Variants in EPB41L4A observed in about 807,000 individuals in gnomAD.
EPB41L4A encodes erythrocyte membrane protein band 4.1 like 4A, also known as band 4.1-like protein 4A.
In EPB41L4A, 100 loss-of-function variants were observed where a neutral mutation model predicts 108.6. The ratio of observed to expected loss-of-function variants is 0.92; its 90% CI spans 0.78 to 1.09. The LOEUF (loss-of-function observed/expected upper bound fraction) is 1.09, where lower values mean the gene tolerates loss of function less well. EPB41L4A is among the 50% of genes least tolerant of loss of function. The probability of loss-of-function intolerance (pLI) is 0.00; values close to 1 mark genes in which losing one functional copy is unlikely to be tolerated. For missense variants in EPB41L4A, 1,030 were observed against 842.7 expected, an observed-to-expected ratio of 1.22 and a Z score of -2.75; for synonymous variants, 319 against 289.0, an observed-to-expected ratio of 1.10 and a Z score of -1.05.
intron 13 of EPB41L4A, among the ~76,000 whole-genome samples, chr5:112,206,652 G>A (rs575266703): frequency 1.3e-5 from 2 of 152,200 alleles, no homozygotes; most frequent in African/African-American, 2.4e-5. Context: ...AAGGGAGACT[G>A]GAAAAGAAAT....
Position 112,265,000 on chromosome 5 carries a change from A to G in EPB41L4A, c.450T>C (p.Tyr150=). The change falls in exon 6 of 23, where the codon TAT becomes TAC. Residue 150 remains tyrosine, a synonymous_variant. Coordinates refer to ENST00000261486, the MANE Select transcript of EPB41L4A (RefSeq NM_022140.5). ...ATCCTGCAGTATGTTTATATGGGTC[A>G]TAATCTCCAAGCTCCGCTAAAAAAG... ...AYAIQSELGD[Y]DPYKHTAGYV... 1 of 1,592,702 alleles carries G rather than the reference A, an allele frequency of 6.3e-7. No individual in the cohort carries two copies. Among genetic ancestry groups the G allele is most frequent in the South Asian group, 1.2e-5 (1 of 85,462 alleles).
chr5:112,375,724 A>G (rs1040946031), intron 1 of EPB41L4A, among the ~76,000 whole-genome samples: 3 of 151,944 alleles, frequency 2.0e-5, no homozygotes, highest in African/African-American at 2.4e-5. Context: ...AAGGTTGGGA[A>G]GTTTGTTTTG....
intron 18 of EPB41L4A, among the ~76,000 whole-genome samples, chr5:112,172,920 G>C (rs542105235): frequency 1.1e-4 from 17 of 152,260 alleles, no homozygotes; most frequent in African/African-American, 3.9e-4. Context: ...TGTGCTGCAG[G>C]AGGCTGTCCT....
intron 1 of EPB41L4A, among the ~76,000 whole-genome samples, chr5:112,364,226 A>G (rs1195983642): frequency 2.0e-5 from 3 of 152,114 alleles, no homozygotes; most frequent in African/African-American, 7.2e-5. Flanking sequence ...GGATTTCACC[A>G]TGTTGGCCAG....
intron 1 of EPB41L4A, among the ~76,000 whole-genome samples, chr5:112,312,947 T>C (rs961347091): frequency 1.3e-5 from 2 of 152,172 alleles, no homozygotes; most frequent in Admixed American, 6.5e-5. Flanking sequence ...GCAATTAAAG[T>C]ATATTTGTCC....
chr5:112,144,875 T>C (rs1759192100), intron 13 of EPB41L4A, among the ~76,000 whole-genome samples: 1 of 152,162 alleles, frequency 6.6e-6, no homozygotes, highest in Non-Finnish European at 1.5e-5. Flanking sequence ...GCACCTAGAA[T>C]TGAAAAGAGG....
At position 112,306,485 on chromosome 5, in the gene EPB41L4A, A is replaced by G. The variant is rs79400738; in HGVS notation, c.204+901T>C. Among the ~76,000 whole-genome samples, 1,228 of 152,280 alleles carry G rather than the reference A, an allele frequency of 8.1e-3. 20 individuals are homozygous for G. Among genetic ancestry groups the G allele is most frequent in the African/African-American group, 0.028 (1,152 of 41,574 alleles). On this transcript the variant is annotated intron_variant, in intron 2 of 22. Coordinates refer to ENST00000261486, the MANE Select transcript of EPB41L4A (RefSeq NM_022140.5). ...CACAAGTGATCACCATCAATAGTGGAAACACCACTCAGAAAATCATGTTCT... is the reference window on the plus strand; with the variant it reads ...CACAAGTGATCACCATCAATAGTGGGAACACCACTCAGAAAATCATGTTCT...
chr5:112,288,188 T>G (rs956181908), intron 2 of EPB41L4A, among the ~76,000 whole-genome samples: 5 of 152,124 alleles, frequency 3.3e-5, no homozygotes, highest in African/African-American at 1.2e-4. Context: ...CCTCTAATAA[T>G]CTTAACGGCA....
Position 112,360,869 on chromosome 5 carries a change from G to A in EPB41L4A, c.100-53379C>T, listed in dbSNP as rs1454027123. 9.2e-5 allele frequency among the ~76,000 whole-genome samples: 14 copies of A among 151,880 alleles called. 1 individual carries two copies. The highest frequency in any genetic ancestry group is 7.2e-4 in the Admixed American group (11 of 15,254). On this transcript the variant is annotated intron_variant, in intron 1 of 22. Coordinates refer to ENST00000261486, the MANE Select transcript of EPB41L4A (RefSeq NM_022140.5). ...CCACTCCGTCTGGGATGTGAGGAGCGCCTCTGCCCTGCCTCGACCCAGTCT... is the reference window on the plus strand; with the variant it reads ...CCACTCCGTCTGGGATGTGAGGAGCACCTCTGCCCTGCCTCGACCCAGTCT...
At chr5:112,269,966 G>C (rs751734265) in intron 4 of EPB41L4A, among the ~76,000 whole-genome samples, 1 of 152,136 alleles carries the variant, frequency 6.6e-6, no homozygotes, top group East Asian at 1.9e-4. Flanking sequence ...AGCACAACAC[G>C]AGAGACGGGC....
chr5:112,375,313 T>TCTCTCTTTCG, intron 1 of EPB41L4A, among the ~76,000 whole-genome samples: 1 of 148,492 alleles, frequency 6.7e-6, no homozygotes, highest in African/African-American at 2.6e-5. Context: ...GGTCAGTCTC[T>TCTCTCTTTCG]CTCTCTCTCG....
At chr5:112,262,045 C>G (rs1389492029) in intron 7 of EPB41L4A, among the ~76,000 whole-genome samples, 1 of 152,056 alleles carries the variant, frequency 6.6e-6, no homozygotes, top group Admixed American at 6.5e-5. Context: ...GCGCCCGCCA[C>G]CACGTCCAGC....
chr5:112,249,321 G>A (rs1343762890), intron 9 of EPB41L4A: 1 of 152,186 alleles, frequency 6.6e-6, no homozygotes, highest in Non-Finnish European at 1.5e-5. Context: ...AACAAAAATA[G>A]TCAGACGGCT....
At chr5:112,286,912 C>T (rs955737105) in intron 2 of EPB41L4A, among the ~76,000 whole-genome samples, 51 of 152,216 alleles carry the variant, frequency 3.4e-4, no homozygotes, top group African/African-American at 1.2e-3. Context: ...TCCTCATGGT[C>T]CCATTTTAGT....
At chr5:112,339,346 G>A (rs1411737661) in intron 1 of EPB41L4A, among the ~76,000 whole-genome samples, 2 of 151,786 alleles carry the variant, frequency 1.3e-5, no homozygotes, top group Admixed American at 6.6e-5. Flanking sequence ...TTATAGGACT[G>A]AAGTATACAG....
At chr5:112,408,072 T>C (rs1339166493) in intron 1 of EPB41L4A, among the ~76,000 whole-genome samples, 3 of 152,188 alleles carry the variant, frequency 2.0e-5, no homozygotes, top group African/African-American at 4.8e-5. Context: ...TGTAGATCAA[T>C]GGGATAGAAT....
At chr5:112,216,563 G>C (rs558595384) in intron 12 of EPB41L4A, among the ~76,000 whole-genome samples, 30 of 152,128 alleles carry the variant, frequency 2.0e-4, no homozygotes, top group African/African-American at 7.2e-4. Context: ...TAAACCTTCA[G>C]GTTAAATCTT....
chr5:112,417,057 C>A (rs961229304), intron 1 of EPB41L4A, among the ~76,000 whole-genome samples: 2 of 152,206 alleles, frequency 1.3e-5, no homozygotes, highest in Non-Finnish European at 2.9e-5. Flanking sequence ...TTATTTCCAA[C>A]AACAGCCTGC....
intron 1 of EPB41L4A, among the ~76,000 whole-genome samples, chr5:112,360,969 T>C (rs1341416492): frequency 6.6e-6 from 1 of 152,112 alleles, no homozygotes; most frequent in African/African-American, 2.4e-5. Flanking sequence ...GGCCGCCCCG[T>C]CTGAGAAGTG....
Sources: gnomAD v4.1 joint callset for allele counts (sites outside exome capture counted in the v4.1 genomes callset) on GRCh38, gnomAD v4.1.1 for gene constraint, MANE v1.5 for transcripts, NCBI Gene and HGNC (gene_info 2026-07-23, HGNC 2026-07-21) for gene names.